GRIP1: variants seen among roughly 807,000 people sequenced by gnomAD.
GRIP1 encodes glutamate receptor interacting protein 1, also known as glutamate receptor-interacting protein 1.
GRIP1 carries 45 observed loss-of-function variants against 129.9 expected under a neutral mutation model. That is an observed-to-expected ratio of 0.35 (90% CI 0.27 to 0.44). The LOEUF is 0.44. Among genes scored for constraint, GRIP1 ranks in the 20% least tolerant of loss-of-function variants. The pLI is 1.00. For missense variants in GRIP1, 1,196 were observed against 1,396.8 expected (o/e 0.86, Z 2.29); for synonymous variants, 530 against 520.8 (o/e 1.02, Z -0.24).
intron 1 of GRIP1, among the ~76,000 whole-genome samples, chr12:66,768,659 A>G (rs1376391380): frequency 1.3e-5 from 2 of 152,234 alleles, no homozygotes; most frequent in African/African-American, 4.8e-5. Flanking sequence ...GTAAGGATAT[A>G]CTATGTAAAA....
intron 1 of GRIP1, among the ~76,000 whole-genome samples, chr12:66,701,071 A>G (rs2035334142): frequency 6.6e-6 from 1 of 152,178 alleles, no homozygotes; most frequent in Non-Finnish European, 1.5e-5. Context: ...TGAATAGAAG[A>G]TTGGGTTGGA....
intron 1 of GRIP1, among the ~76,000 whole-genome samples, chr12:66,703,890 C>T (rs949262117): frequency 1.3e-5 from 2 of 151,916 alleles, no homozygotes; most frequent in African/African-American, 4.8e-5. Flanking sequence ...TTGATGATTG[C>T]ACACCACTGT....
chr12:66,787,627 C>T (rs2038394933), intron 1 of GRIP1, among the ~76,000 whole-genome samples: 1 of 152,084 alleles, frequency 6.6e-6, no homozygotes, highest in Admixed American at 6.6e-5. Flanking sequence ...AGAGTGTTGC[C>T]TTGTTCCTTC....
At chr12:66,952,331 C>A (rs1268355221) in intron 1 of GRIP1, among the ~76,000 whole-genome samples, 2 of 152,042 alleles carry the variant, frequency 1.3e-5, no homozygotes, top group Non-Finnish European at 2.9e-5. Context: ...GAAAAGTATT[C>A]TTTGGATCTT....
intron 16 of GRIP1, among the ~76,000 whole-genome samples, chr12:66,396,171 G>A: frequency 6.6e-6 from 1 of 152,326 alleles, no homozygotes; most frequent in South Asian, 2.1e-4. Flanking sequence ...GTGGAGGTGT[G>A]TATGCCATAG....
chr12:66,636,352 T>C (rs1300184861), intron 1 of GRIP1, among the ~76,000 whole-genome samples: 2 of 152,200 alleles, frequency 1.3e-5, no homozygotes, highest in Non-Finnish European at 1.5e-5. Context: ...TGTACAACCA[T>C]ATGAATGTAC....
chr12:67,004,623 C>A (rs1384965161), intron 1 of GRIP1, among the ~76,000 whole-genome samples: 1 of 151,870 alleles, frequency 6.6e-6, no homozygotes, highest in Non-Finnish European at 1.5e-5. Flanking sequence ...CCATCCATGA[C>A]CCTGGTTGGA....
chr12:66,558,571 C>T (rs1468176383), intron 2 of GRIP1, among the ~76,000 whole-genome samples: 1 of 151,936 alleles, frequency 6.6e-6, no homozygotes, highest in Non-Finnish European at 1.5e-5. Context: ...AATTGGAAAG[C>T]CTAGAAGAAA....
At chr12:66,922,653 C>T (rs2041232224) in intron 1 of GRIP1, among the ~76,000 whole-genome samples, 1 of 152,180 alleles carries the variant, frequency 6.6e-6, no homozygotes, top group South Asian at 2.1e-4. Flanking sequence ...AGTATCCAAA[C>T]AGATTTTAGC....
At chr12:66,571,656 A>T (rs2062964060) in intron 2 of GRIP1, among the ~76,000 whole-genome samples, 1 of 152,204 alleles carries the variant, frequency 6.6e-6, no homozygotes, top group Non-Finnish European at 1.5e-5. Context: ...CCAGGAGAGC[A>T]TTACAATAAT....
At chr12:66,684,949 A>G (rs939873300) in intron 1 of GRIP1, among the ~76,000 whole-genome samples, 2 of 151,996 alleles carry the variant, frequency 1.3e-5, no homozygotes, top group African/African-American at 2.4e-5. Context: ...ACCATCTCCA[A>G]CTAGATTTGA....
intron 14 of GRIP1, among the ~76,000 whole-genome samples, chr12:66,421,488 G>A (rs2057800580): frequency 1.3e-5 from 2 of 152,034 alleles, no homozygotes; most frequent in African/African-American, 2.4e-5. Flanking sequence ...AGGTTGCAGT[G>A]ATCCAAGGAT....
At position 66,448,378 on chromosome 12, in the gene GRIP1, T is replaced by C. The variant is rs145271479; in HGVS notation, c.1355-2870A>G. 9.1e-3 allele frequency among the ~76,000 whole-genome samples: 1,391 copies of C among 152,324 alleles called. 73 individuals carry two copies. The highest frequency in any genetic ancestry group is 0.085 in the Admixed American group (1,293 of 15,296). ...ACTAGTGAAATATATCTTACAAAAATCCTCTTTTCCCTTATTAATTTCAGT... is the reference window on the plus strand; with the variant it reads ...ACTAGTGAAATATATCTTACAAAAACCCTCTTTTCCCTTATTAATTTCAGT... On this transcript the variant is annotated intron_variant, in intron 11 of 24. Transcript: ENST00000359742.
At chr12:67,000,628 T>C (rs1504306) in intron 1 of GRIP1, among the ~76,000 whole-genome samples, 43,745 of 152,134 alleles carry the variant, frequency 0.29, 7,476 homozygotes, top group Non-Finnish European at 0.37. Flanking sequence ...AAGAGGATTT[T>C]AAAATTCAGC....
chr12:66,398,379 T>C (rs1003113707), intron 16 of GRIP1, among the ~76,000 whole-genome samples: 2 of 151,930 alleles, frequency 1.3e-5, no homozygotes, highest in Non-Finnish European at 1.5e-5. Context: ...CCCAATCCAA[T>C]CTGCTAAATT....
chr12:66,852,621 TTAAAA>T lies in GRIP1; in HGVS notation c.58+216424_58+216428del, dbSNP rs547836567. ...ATGTACATATATAACATTCCATCAATTAAAATAAATCTGGATTTCTTCAAATCAGT... is the reference window on the plus strand; with the variant it reads ...ATGTACATATATAACATTCCATCAATTAAATCTGGATTTCTTCAAATCAGT... On this transcript the variant is annotated intron_variant, in intron 1 of 1. Transcript: ENST00000643019. Among the ~76,000 whole-genome samples, 223 of 151,544 alleles carry T rather than the reference TTAAAA, an allele frequency of 1.5e-3. 1 individual carries two copies. The highest frequency in any genetic ancestry group is 2.5e-3 in the Non-Finnish European group (170 of 67,816).
At chr12:66,690,121 C>T (rs544921187) in intron 1 of GRIP1, among the ~76,000 whole-genome samples, 111 of 152,022 alleles carry the variant, frequency 7.3e-4, no homozygotes, top group African/African-American at 2.5e-3. Context: ...GCTGTCCCTA[C>T]ATTGCCCAGG....
chr12:66,525,805 C>T (rs550647635), intron 5 of GRIP1, among the ~76,000 whole-genome samples: 30 of 152,106 alleles, frequency 2.0e-4, no homozygotes, highest in African/African-American at 7.2e-4. Context: ...CCAAAATCTC[C>T]TTAAGCTGAT....
rs532198583 is a variant in GRIP1 at position 66,797,097 on chromosome 12, CT to C, written c.-420+6955del. On this transcript the variant is annotated intron_variant, in intron 1 of 4. Coordinates refer to the GRIP1 transcript ENST00000538373. The stretch of plus-strand genomic sequence containing the variant: ...GTTAGTGAGATAGTGGGGTAGAATT[CT>C]AACACTTCAAATTTTAAAAAGCAGA... 1.7e-3 allele frequency among the ~76,000 whole-genome samples: 257 copies of C among 152,206 alleles called. 1 individual carries two copies. Among genetic ancestry groups the C allele is most frequent in the Non-Finnish European group, 2.5e-3 (168 of 68,008 alleles).
Sources: allele counts gnomAD v4.1 joint callset (sites outside exome capture counted in the v4.1 genomes callset), GRCh38; gene constraint gnomAD v4.1.1; transcripts MANE v1.5; gene names NCBI Gene and HGNC (gene_info 2026-07-23, HGNC 2026-07-21).